The following CHRFAM7A variants were observed in gnomAD, a reference collection of about 807,000 sequenced individuals.
The protein encoded by CHRFAM7A is CHRNA7 (exons 5-10) and FAM7A (exons A-E) fusion, also known as CHRNA7-FAM7A fusion protein.
CHRFAM7A carries 3 observed loss-of-function variants against 29.2 expected under a neutral mutation model. The observed-to-expected ratio is 0.10, with a 90% CI of 0.05 to 0.27. The LOEUF (loss-of-function observed/expected upper bound fraction) is 0.27, where lower values mean the gene tolerates loss of function less well. CHRFAM7A is among the 10% of genes least tolerant of loss of function. The pLI is 1.00. For synonymous variants in CHRFAM7A, 7 were observed against 135.4 expected, an observed-to-expected ratio of 0.05 and a Z score of 6.58; for missense variants, 22 against 328.0, an observed-to-expected ratio of 0.07 and a Z score of 7.21.
At chr15:30,367,168 C>G (rs1459223794) in intron 9 of CHRFAM7A, among the ~76,000 whole-genome samples, 1 of 150,996 alleles carries the variant, frequency 6.6e-6, no homozygotes, top group African/African-American at 2.4e-5. Flanking sequence ...CGCCTGTAGT[C>G]CCAGCTACTT....
At position 30,365,801 on chromosome 15, in the gene CHRFAM7A, C is replaced by CTT. The variant is rs1165285566; in HGVS notation, c.720+1615_720+1616dup. On this transcript the variant is annotated intron_variant, in intron 9 of 9. Coordinates refer to ENST00000299847, the MANE Select transcript of CHRFAM7A (RefSeq NM_139320.2). ...CTTGTGTAATGAGCTACAAGTGAGT[C>CTT]TTTTTTTTTTTTTTTTTTTTTTTTT... Among the ~76,000 whole-genome samples, 38 of 74,260 alleles carry CTT rather than the reference C, an allele frequency of 5.1e-4. 16 individuals carry two copies. Among genetic ancestry groups the CTT allele is most frequent in the Non-Finnish European group, 8.1e-4 (34 of 42,016 alleles). The allele number at this position is 74,260 out of a possible 152,430, so 48.7% of individuals were successfully genotyped here.
chr15:30,363,209 G>A (rs974351544), intron 9 of CHRFAM7A, among the ~76,000 whole-genome samples: 4 of 145,192 alleles, frequency 2.8e-5, no homozygotes, highest in Admixed American at 6.9e-5. Context: ...TAGGTGCCCT[G>A]GAAGGCCACT....
intron 5 of CHRFAM7A, among the ~76,000 whole-genome samples, chr15:30,373,546 CTGTT>C (rs1057041632): frequency 9.2e-5 from 12 of 130,560 alleles, no homozygotes; most frequent in African/African-American, 3.4e-4. Flanking sequence ...GTGTGTGTGT[CTGTT>C]TGGTGCGGGG....
At chr15:30,372,677 A>AGATG (rs1351399298) in intron 6 of CHRFAM7A, among the ~76,000 whole-genome samples, 1 of 77,808 alleles carries the variant, frequency 1.3e-5, no homozygotes, top group Non-Finnish European at 2.5e-5. Context: ...GGTTCCCATC[A>AGATG]ACTGAAATTT....
chr15:30,374,675 A>G (rs943126984), intron 5 of CHRFAM7A, among the ~76,000 whole-genome samples: 16 of 117,816 alleles, frequency 1.4e-4, no homozygotes, highest in Non-Finnish European at 7.0e-5. Context: ...GACTGTGGTA[A>G]TGGTTGCATA....
At chr15:30,391,993 AAAATAAATAAAT>A (rs899311774) in intron 1 of CHRFAM7A, among the ~76,000 whole-genome samples, 1 of 8,460 alleles carries the variant, frequency 1.2e-4, no homozygotes, top group African/African-American at 1.9e-4. Context: ...ACTCCCTCTC[AAAATAAATAAAT>A]AAATAAATAA....
chr15:30,362,968 G>A (rs1435178140), intron 9 of CHRFAM7A, among the ~76,000 whole-genome samples, 157 bp from the exon 10 acceptor site: 2 of 150,994 alleles, frequency 1.3e-5, no homozygotes, highest in East Asian at 3.8e-4. Context: ...CAGTGCTTGC[G>A]TATGACAAGC....
intron 5 of CHRFAM7A, among the ~76,000 whole-genome samples, chr15:30,373,836 G>C (rs561271363): frequency 1.1e-5 from 1 of 87,662 alleles, no homozygotes; most frequent in African/African-American, 4.8e-5. Flanking sequence ...ATGCATGCCT[G>C]TAGTCCCAGC....
At chr15:30,375,671 TGTGTGTGTCTG>T (rs2058919539) in intron 5 of CHRFAM7A, among the ~76,000 whole-genome samples, 1 of 143,292 alleles carries the variant, frequency 7.0e-6, no homozygotes, top group Non-Finnish European at 1.5e-5. Flanking sequence ...GTGAGGGGTG[TGTGTGTGTCTG>T]GTGTGTGTGT....
At chr15:30,393,885 CTATG>C (rs751660944), upstream of CHRFAM7A, 22,534 of 68,586 alleles carry the variant, frequency 0.33, 5,006 homozygotes, top group South Asian at 0.44. Flanking sequence ...GTGTGTGTGT[CTATG>C]TGTGTGTGTG....
At chr15:30,374,784 T>TG (rs1167592135) in intron 5 of CHRFAM7A, among the ~76,000 whole-genome samples, 4 of 128,282 alleles carry the variant, frequency 3.1e-5, no homozygotes, top group Non-Finnish European at 3.3e-5. Flanking sequence ...ACACATGAAA[T>TG]GGGGGGGAAA....
At chr15:30,374,624 A>G (rs1243638832) in intron 5 of CHRFAM7A, among the ~76,000 whole-genome samples, 1 of 137,846 alleles carries the variant, frequency 7.3e-6, no homozygotes, top group Non-Finnish European at 1.6e-5. Flanking sequence ...GCAAACAAGC[A>G]AAAGGGATCT....
upstream of CHRFAM7A, chr15:30,393,620 G>A (rs2140904300): frequency 5.9e-5 from 1 of 16,814 alleles, no homozygotes; most frequent in Admixed American, 7.9e-4. Flanking sequence ...AGTTTAAAAG[G>A]GCAACAGCAC....
At chr15:30,374,022 T>C (rs2058895044) in intron 5 of CHRFAM7A, among the ~76,000 whole-genome samples, 1 of 144,422 alleles carries the variant, frequency 6.9e-6, no homozygotes, top group Non-Finnish European at 1.5e-5. Flanking sequence ...AACAGATAGA[T>C]AGGTTTAAGC....
intron 9 of CHRFAM7A, 44 bp downstream of exon 9, chr15:30,367,374 T>C: frequency 1.3e-6 from 2 of 1,591,404 alleles, no homozygotes; most frequent in Non-Finnish European, 1.7e-6. Context: ...AGGAGCCTCC[T>C]TTACAGCGGG....
chr15:30,374,081 C>T (rs2058895561), intron 5 of CHRFAM7A, among the ~76,000 whole-genome samples: 1 of 121,046 alleles, frequency 8.3e-6, no homozygotes, highest in African/African-American at 3.3e-5. Flanking sequence ...AGAGCTATTC[C>T]AGGCTAGGAC....
At chr15:30,369,171 C>T (rs71237764) in intron 8 of CHRFAM7A, among the ~76,000 whole-genome samples, 5,860 of 130,218 alleles carry the variant, frequency 0.045, 3 homozygotes, top group East Asian at 0.073. Context: ...GAGGCCACAG[C>T]GAGAAGAGGG....
chr15:30,367,488 G>C lies in CHRFAM7A; in HGVS notation c.650C>G (p.Ser217Trp). ...CAGCACGATCACCGTCACCACCACC[G>C]AGAGGCCCACGATGATCATGGTGCT... ...FASTMIIVGL[S>W]VVVTVIVLQY... The change falls in exon 9 of 10, where the codon TCG (serine) becomes TGG (tryptophan). Residue 217 changes from serine to tryptophan, a missense_variant. Coordinates refer to ENST00000299847, the MANE Select transcript of CHRFAM7A (RefSeq NM_139320.2). 1 of 1,608,006 alleles carries C rather than the reference G, an allele frequency of 6.2e-7. No homozygotes were observed. The highest frequency in any genetic ancestry group is 8.5e-7 in the Non-Finnish European group (1 of 1,175,728).
chr15:30,374,604 G>T (rs914182605), intron 5 of CHRFAM7A, among the ~76,000 whole-genome samples: 4 of 141,930 alleles, frequency 2.8e-5, no homozygotes, highest in Non-Finnish European at 6.1e-5. Flanking sequence ...AGTAGGAATG[G>T]GAATTAACTG....
Sources: gnomAD v4.1 joint callset for allele counts (sites outside exome capture counted in the v4.1 genomes callset) on GRCh38, gnomAD v4.1.1 for gene constraint, MANE v1.5 for transcripts, NCBI Gene and HGNC (gene_info 2026-07-23, HGNC 2026-07-21) for gene names.